The following PPTC7 variants were observed in gnomAD, a reference collection of about 807,000 sequenced individuals.
PPTC7 encodes protein phosphatase PTC7 homolog.
A neutral mutation model predicts 30.8 loss-of-function variants in PPTC7; 6 were observed. The ratio of observed to expected loss-of-function variants is 0.19; its 90% confidence interval spans 0.11 to 0.38. The LOEUF (loss-of-function observed/expected upper bound fraction) is 0.38. PPTC7 is among the 10% of genes least tolerant of loss of function. PPTC7 has a pLI of 1.00. For synonymous variants in PPTC7, 163 were observed against 168.1 expected, an observed-to-expected ratio of 0.97 and a Z score of 0.23; for missense variants, 218 against 404.8, an observed-to-expected ratio of 0.54 and a Z score of 3.96.
chr12:110,573,010 G>A (rs898082514), intron 1 of PPTC7, among the ~76,000 whole-genome samples: 2 of 152,116 alleles, frequency 1.3e-5, no homozygotes, highest in Non-Finnish European at 2.9e-5. Context: ...CACCAGAGTA[G>A]CTGGGATTAC....
chr12:110,562,754 C>T (rs1041299856), intron 1 of PPTC7, among the ~76,000 whole-genome samples: 2 of 151,622 alleles, frequency 1.3e-5, no homozygotes, highest in African/African-American at 4.9e-5. Flanking sequence ...GATTGAGCCA[C>T]TGCACTCCAG....
In PPTC7 at chr12:110,583,039, G is replaced by C; in HGVS notation, c.-8C>G. On this transcript the variant is annotated 5_prime_UTR_variant, in exon 1 of 6. Transcript: ENST00000354300. The stretch of plus-strand genomic sequence containing the variant: ...CGAGAGGACCGAGAACATCGCCGCC[G>C]CCGCCCCCCCGAGGAGGCGGGGGGC... The C allele has an allele frequency of 7.2e-7, 1 of 1,394,264 alleles. No homozygotes were observed. The highest frequency in any genetic ancestry group is 9.2e-7 in the Non-Finnish European group (1 of 1,084,682). 86.4% of individuals were successfully genotyped at this position (1,394,264 alleles called of 1,614,324 possible). A position where few individuals can be genotyped will look rare whatever the true frequency, so the allele number is the denominator to read the frequency against.
chr12:110,541,016 C>A (rs535347228), intron 3 of PPTC7, among the ~76,000 whole-genome samples: 1 of 151,306 alleles, frequency 6.6e-6, no homozygotes, highest in African/African-American at 2.4e-5. Context: ...ACCTCGTGAT[C>A]TGCCCGCCTT....
chr12:110,547,947 A>C (rs2064321142), intron 2 of PPTC7, among the ~76,000 whole-genome samples: 1 of 152,150 alleles, frequency 6.6e-6, no homozygotes, highest in African/African-American at 2.4e-5. Context: ...CTCTACTAAA[A>C]ACACAAAAAA....
At chr12:110,574,950 T>C (rs575418687) in intron 1 of PPTC7, among the ~76,000 whole-genome samples, 63 of 151,134 alleles carry the variant, frequency 4.2e-4, no homozygotes, top group African/African-American at 1.5e-3. Flanking sequence ...GGCTTTTTTT[T>C]TTTTTTTTTT....
intron 3 of PPTC7, among the ~76,000 whole-genome samples, chr12:110,540,322 T>C (rs868628936): frequency 0.11 from 2,456 of 21,880 alleles, 82 homozygotes; most frequent in African/African-American, 0.16. Context: ...CCCCCCCGCC[T>C]TTTTTTTTTT....
At position 110,580,348 on chromosome 12, in the gene PPTC7, A is replaced by AT. The variant is rs920634381; in HGVS notation, c.223+2460dup. Among the ~76,000 whole-genome samples, 9 of 151,912 alleles carry AT rather than the reference A, an allele frequency of 5.9e-5. No individual in the cohort carries two copies. In the East Asian group the frequency reaches 7.7e-4, roughly 13 times the overall value. ...AGGTAGCCTTCCAAAATTTTATTGT[A>AT]TTTTTTTTGAGACGGAGTCTTGCTC... On this transcript the variant is annotated intron_variant, in intron 1 of 5. Transcript: ENST00000354300.
rs560703856 is a variant in PPTC7 at position 110,551,700 on chromosome 12, A to T, written c.403+89T>A. ...TGCTTAGTAGGAAGAGCCTCAGAAA[A>T]AAGCTGGTCCGATAAATGATTTTCT... On this transcript the variant is annotated intron_variant, in intron 2 of 5. Coordinates refer to ENST00000354300, the MANE Select transcript of PPTC7 (RefSeq NM_139283.2). The T allele has an allele frequency of 2.4e-6, 3 of 1,238,148 alleles. No individual in the cohort carries two copies. In the African/African-American group the frequency reaches 4.5e-5, roughly 19 times the overall value. 76.7% of individuals were successfully genotyped at this position (1,238,148 alleles called of 1,614,324 possible). A position where few individuals can be genotyped will look rare whatever the true frequency, so the allele number is the denominator to read the frequency against.
chr12:110,551,036 C>T (rs2064346373), intron 2 of PPTC7, among the ~76,000 whole-genome samples: 1 of 152,160 alleles, frequency 6.6e-6, no homozygotes, highest in African/African-American at 2.4e-5. Flanking sequence ...TCTCTCTTCC[C>T]TTCACAACAT....
At chr12:110,577,023 C>T (rs539651219) in intron 1 of PPTC7, among the ~76,000 whole-genome samples, 3 of 151,828 alleles carry the variant, frequency 2.0e-5, no homozygotes, top group African/African-American at 4.8e-5. Flanking sequence ...AAAAATTGGC[C>T]AGGTGTAATG....
intron 1 of PPTC7, among the ~76,000 whole-genome samples, chr12:110,565,487 C>T (rs959388966): frequency 6.6e-6 from 1 of 152,096 alleles, no homozygotes; most frequent in Non-Finnish European, 1.5e-5. Flanking sequence ...AACTCCTGAC[C>T]TTGTGATCCA....
At chr12:110,547,363 CCA>C (rs2064315967) in intron 2 of PPTC7, among the ~76,000 whole-genome samples, 1 of 152,112 alleles carries the variant, frequency 6.6e-6, no homozygotes, top group African/African-American at 2.4e-5. Context: ...TCTCTGTGCC[CCA>C]GTTTCCTCAT....
intron 1 of PPTC7, among the ~76,000 whole-genome samples, chr12:110,570,731 C>T (rs1007429351): frequency 7.2e-6 from 1 of 139,756 alleles, no homozygotes; most frequent in African/African-American, 2.7e-5. Flanking sequence ...GTCTATGATG[C>T]CAAGACCTTT....
intron 1 of PPTC7, among the ~76,000 whole-genome samples, chr12:110,566,761 A>G (rs2064487210): frequency 6.6e-6 from 1 of 152,226 alleles, no homozygotes; most frequent in African/African-American, 2.4e-5. Flanking sequence ...GATAATGCAT[A>G]AAAGATAAGT....
In PPTC7 at chr12:110,540,289, A is replaced by G. The variant is rs2064248019; in HGVS notation, c.603-344T>C. Among the ~76,000 whole-genome samples the G allele has an allele frequency of 2.1e-5, 3 of 143,840 alleles. No individual in the cohort carries two copies. The South Asian group carries it at 6.7e-4, about 32-fold the overall frequency. 94.4% of individuals were successfully genotyped at this position (143,840 alleles called of 152,430 possible). Reference sequence around the variant, plus strand: ...TAGTGGAAATGAGTCTTTATTCCTAATTCTTTACAGCCGAATTCCATCCCC... The same window carrying G: ...TAGTGGAAATGAGTCTTTATTCCTAGTTCTTTACAGCCGAATTCCATCCCC... On this transcript the variant is annotated intron_variant, in intron 3 of 5. Transcript: ENST00000354300.
chr12:110,575,918 T>C (rs2064585380), intron 1 of PPTC7, among the ~76,000 whole-genome samples: 1 of 152,138 alleles, frequency 6.6e-6, no homozygotes, highest in Admixed American at 6.6e-5. Context: ...AAGTAACTTA[T>C]AAAACTGCAA....
At chr12:110,581,374 A>T (rs2064635825) in intron 1 of PPTC7, among the ~76,000 whole-genome samples, 1 of 151,970 alleles carries the variant, frequency 6.6e-6, no homozygotes. Flanking sequence ...AGATTGCGCC[A>T]CTGCACTCCA....
In PPTC7 at chr12:110,582,934, TCGC is replaced by T. The variant is rs35409332; in HGVS notation, c.95_97del (p.Gly32del). The T allele has an allele frequency of 0.089, 136,384 of 1,540,986 alleles. 6,655 individuals carry two copies. Among genetic ancestry groups the T allele is most frequent in the Non-Finnish European group, 0.1 (115,973 of 1,142,528 alleles). ...GCAGCCGGCCGTCACCAGTCCGTAG[TCGC>T]CGCCGCCGCCGCCGCCGGCCCTGGG... On this transcript the variant is annotated inframe_deletion, in exon 1 of 6. Coordinates refer to ENST00000354300, the MANE Select transcript of PPTC7 (RefSeq NM_139283.2).
At chr12:110,548,963 A>G (rs143309361) in intron 2 of PPTC7, among the ~76,000 whole-genome samples, 99 of 152,282 alleles carry the variant, frequency 6.5e-4, no homozygotes, top group African/African-American at 1.9e-3. Flanking sequence ...ACGTGTTTGG[A>G]GAGGCACAAG....
Sources: gnomAD v4.1 joint callset for allele counts (sites outside exome capture counted in the v4.1 genomes callset) on GRCh38, gnomAD v4.1.1 for gene constraint, MANE v1.5 for transcripts, NCBI Gene and HGNC (gene_info 2026-07-23, HGNC 2026-07-21) for gene names.